The following GRAMD1B variants were observed in gnomAD, a reference collection of about 807,000 sequenced individuals.
The protein encoded by GRAMD1B is GRAM domain containing 1B.
Under a neutral mutation model 99.7 loss-of-function variants are expected in GRAMD1B, and 37 were observed. That is an observed-to-expected ratio of 0.37 (90% CI 0.29 to 0.49). The LOEUF (loss-of-function observed/expected upper bound fraction) is 0.49, where lower values mean the gene tolerates loss of function less well. Among genes scored for constraint, GRAMD1B ranks in the 20% least tolerant of loss-of-function variants. The pLI is 0.98. For synonymous variants in GRAMD1B, 427 were observed against 387.6 expected (o/e 1.10, Z -1.19); for missense variants, 888 against 1,009.2 (o/e 0.88, Z 1.63).
Position 123,610,262 on chromosome 11 carries a change from G to C in GRAMD1B, c.1843G>C (p.Val615Leu). 2.5e-6 allele frequency: 4 copies of C among 1,613,650 alleles called. No individual in the cohort carries two copies. Among genetic ancestry groups the C allele is most frequent in the Non-Finnish European group, 3.4e-6 (4 of 1,179,626 alleles). The change falls in exon 14 of 20, where the codon GTG (valine) becomes CTG (leucine). Residue 615 changes from valine to leucine, a missense_variant. Transcript: ENST00000635736. The surrounding 1 kb of genome is among the most constrained non-coding windows in gnomAD (Gnocchi z 4.1). ...AGATGCCGAAGTCCTCACCCACGAC[G>C]TGCCCTACCATGACTACTTCTACAC... is the stretch of plus-strand genomic sequence containing the variant. ...VIDAEVLTHD[V>L]PYHDYFYTIN...
At chr11:123,400,115 T>C (rs1396954651) in intron 1 of GRAMD1B, among the ~76,000 whole-genome samples, 2 of 152,166 alleles carry the variant, frequency 1.3e-5, no homozygotes, top group Admixed American at 6.5e-5. Context: ...AACCTATTAT[T>C]GGATATATGG....
intron 17 of GRAMD1B, chr11:123,618,261 T>C: frequency 8.7e-7 from 1 of 1,155,310 alleles, no homozygotes; most frequent in Non-Finnish European, 1.3e-6. Context: ...CCCAGGTTGA[T>C]TTTCAGTGCA....
At chr11:123,431,276 T>A in intron 1 of GRAMD1B, 110 bp downstream of exon 1, 1 of 595,326 alleles carries the variant, frequency 1.7e-6, no homozygotes, top group Non-Finnish European at 3.0e-6. Flanking sequence ...CAGGAGCCCG[T>A]CACCAGAGGC....
At chr11:123,392,265 C>G (rs1947309798) in intron 1 of GRAMD1B, among the ~76,000 whole-genome samples, 1 of 151,860 alleles carries the variant, frequency 6.6e-6, no homozygotes, top group African/African-American at 2.4e-5. Flanking sequence ...CCTCTGAATG[C>G]ATTCTAGTTT....
intron 2 of GRAMD1B, among the ~76,000 whole-genome samples, chr11:123,548,303 T>C (rs550499620): frequency 8.2e-4 from 58 of 70,672 alleles, no homozygotes; most frequent in African/African-American, 2.5e-3. Context: ...TATATATATA[T>C]ATATATATAT....
chr11:123,588,525 C>T (rs1337646242), intron 4 of GRAMD1B, among the ~76,000 whole-genome samples: 1 of 152,214 alleles, frequency 6.6e-6, no homozygotes, highest in Non-Finnish European at 1.5e-5. Context: ...GATCCAGAGC[C>T]TCCTGGAGCT....
intron 1 of GRAMD1B, among the ~76,000 whole-genome samples, chr11:123,442,119 G>A (rs1305195054): frequency 1.3e-5 from 2 of 152,206 alleles, no homozygotes; most frequent in Non-Finnish European, 2.9e-5. Flanking sequence ...CAAACTGGGT[G>A]TCTTATAATT....
intron 2 of GRAMD1B, among the ~76,000 whole-genome samples, chr11:123,482,106 T>C (rs1001265110): frequency 2.6e-5 from 4 of 152,048 alleles, no homozygotes; most frequent in Non-Finnish European, 2.9e-5. Context: ...TTTTTAATTT[T>C]TTTTTTTTCT....
At chr11:123,549,914 C>T (rs1218525949) in intron 2 of GRAMD1B, among the ~76,000 whole-genome samples, 1 of 152,106 alleles carries the variant, frequency 6.6e-6, no homozygotes, top group African/African-American at 2.4e-5. Context: ...CTGTCATGGT[C>T]GGACATGTAT....
intron 1 of GRAMD1B, among the ~76,000 whole-genome samples, chr11:123,386,193 G>A (rs1228241874): frequency 6.6e-6 from 1 of 152,002 alleles, no homozygotes; most frequent in Non-Finnish European, 1.5e-5. Flanking sequence ...GATTAAATTA[G>A]GTTTTACATA....
intron 1 of GRAMD1B, among the ~76,000 whole-genome samples, chr11:123,365,515 G>T (rs960823347): frequency 6.6e-6 from 1 of 152,188 alleles, no homozygotes; most frequent in Admixed American, 6.5e-5. Flanking sequence ...GCCTCCCAAA[G>T]TGTTGGGATT....
chr11:123,448,577 G>A lies in GRAMD1B; in HGVS notation c.374+17411G>A, dbSNP rs117300697. Among the ~76,000 whole-genome samples the A allele has an allele frequency of 9.5e-4, 144 of 152,260 alleles. 4 individuals carry two copies. In the East Asian group the frequency reaches 0.026, roughly 28 times the overall value. On this transcript the variant is annotated intron_variant, in intron 1 of 19. Transcript: ENST00000635736. Reference sequence around the variant, plus strand: ...TGGGGCGATTTCATCCATTCTCTTGGCTTTAATTATTCCTGTCTGAGACCT... The same window carrying A: ...TGGGGCGATTTCATCCATTCTCTTGACTTTAATTATTCCTGTCTGAGACCT...
chr11:123,436,337 T>C (rs1255574253), intron 1 of GRAMD1B, among the ~76,000 whole-genome samples: 2 of 152,132 alleles, frequency 1.3e-5, no homozygotes, highest in African/African-American at 4.8e-5. Flanking sequence ...TTTTGAAGGG[T>C]TAACAAATGC....
At chr11:123,405,661 T>C (rs528310399) in intron 1 of GRAMD1B, among the ~76,000 whole-genome samples, 1 of 152,142 alleles carries the variant, frequency 6.6e-6, no homozygotes, top group Non-Finnish European at 1.5e-5. Flanking sequence ...TTAGGAACTT[T>C]GGGCCAACAG....
At chr11:123,588,647 A>T (rs910277074) in intron 4 of GRAMD1B, among the ~76,000 whole-genome samples, 9 of 152,190 alleles carry the variant, frequency 5.9e-5, no homozygotes, top group African/African-American at 2.2e-4. Context: ...TAGGGCTGAC[A>T]TGCAGGGCGA....
intron 2 of GRAMD1B, among the ~76,000 whole-genome samples, chr11:123,485,792 G>A (rs916042627): frequency 7.3e-5 from 11 of 150,970 alleles, no homozygotes; most frequent in African/African-American, 2.7e-4. Context: ...TTGGCTCACG[G>A]TAACCTCCAC....
chr11:123,537,558 A>G (rs1944095016), intron 2 of GRAMD1B, among the ~76,000 whole-genome samples: 1 of 152,304 alleles, frequency 6.6e-6, no homozygotes, highest in Non-Finnish European at 1.5e-5. Context: ...TCGATCTGAA[A>G]TGTACCTTTT....
chr11:123,525,263 G>A (rs1942589576), intron 2 of GRAMD1B, among the ~76,000 whole-genome samples: 1 of 152,218 alleles, frequency 6.6e-6, no homozygotes, highest in African/African-American at 2.4e-5. Context: ...GCAGCACACT[G>A]CCTGGGAGCA....
chr11:123,430,819 C>G lies in GRAMD1B; in HGVS notation c.27C>G (p.Asn9Lys). The change falls in exon 1 of 20, where the codon AAC (asparagine) becomes AAG (lysine). Residue 9 changes from asparagine to lysine, a missense_variant. By Grantham distance (94) the Asn-to-Lys change is moderately conservative (BLOSUM62 0). Around this residue, in one of 5 missense-constraint regions of GRAMD1B, gnomAD observed 233 missense variants for 154.6 expected, o/e 1.51. Coordinates refer to ENST00000635736, the MANE Select transcript of GRAMD1B (RefSeq NM_001387025.1). ...TGCCGGCGGCCAACATGATGGAGAA[C>G]CGGCCGCTGCCCGCCCTGCAGGTGC... Reference protein sequence around the residue: MPAANMMENRPLPALQVPE... With the variant: MPAANMMEKRPLPALQVPE... 1 of 695,274 alleles carries G rather than the reference C, an allele frequency of 1.4e-6. No individual in the cohort carries two copies. Among genetic ancestry groups the G allele is most frequent in the Non-Finnish European group, 2.6e-6 (1 of 381,826 alleles). The allele number at this position is 695,274 out of a possible 1,614,324, so 43.1% of individuals were successfully genotyped here.
Sources: allele counts gnomAD v4.1 joint callset (sites outside exome capture counted in the v4.1 genomes callset), GRCh38; gene constraint gnomAD v4.1.1; regional missense constraint gnomAD v4.1.1; non-coding constraint Gnocchi (gnomAD v3.1); transcripts MANE v1.5; gene names NCBI Gene and HGNC (gene_info 2026-07-23, HGNC 2026-07-21).